The following OR9Q1 variants were observed in gnomAD, a reference collection of about 807,000 sequenced individuals.
The protein encoded by OR9Q1 is olfactory receptor 9Q1.
For missense variants in OR9Q1, 374 were observed against 378.8 expected (o/e 0.99, Z 0.11); for synonymous variants, 153 against 148.6 (o/e 1.03, Z -0.22).
intron 2 of OR9Q1, among the ~76,000 whole-genome samples, chr11:58,168,118 A>G (rs146272344): frequency 6.6e-6 from 1 of 152,194 alleles, no homozygotes; most frequent in African/African-American, 2.4e-5. Context: ...CTGACACATG[A>G]TAAACACTCA....
chr11:58,139,380 C>A (rs980421571), intron 2 of OR9Q1, among the ~76,000 whole-genome samples: 7 of 151,744 alleles, frequency 4.6e-5, no homozygotes, highest in Non-Finnish European at 8.8e-5. Flanking sequence ...TGTGCTGCAC[C>A]CATTAACTCA....
intron 1 of OR9Q1, among the ~76,000 whole-genome samples, chr11:58,032,629 T>G (rs929582578): frequency 6.6e-6 from 1 of 152,166 alleles, no homozygotes; most frequent in Non-Finnish European, 1.5e-5. Flanking sequence ...GATTAAAGAC[T>G]TAAATATAAG....
At chr11:58,128,981 T>C (rs1854115392) in intron 2 of OR9Q1, among the ~76,000 whole-genome samples, 1 of 152,206 alleles carries the variant, frequency 6.6e-6, no homozygotes, top group South Asian at 2.1e-4. Flanking sequence ...TTTCTTTTCA[T>C]TTCCCACTAT....
intron 2 of OR9Q1, among the ~76,000 whole-genome samples, chr11:58,168,631 T>C (rs980509115): frequency 1.3e-5 from 2 of 152,150 alleles, no homozygotes; most frequent in African/African-American, 4.8e-5. Flanking sequence ...CCCTTTGGAC[T>C]GGCAATAGGT....
chr11:58,028,957 T>C (rs924531908), intron 1 of OR9Q1, among the ~76,000 whole-genome samples: 1 of 152,198 alleles, frequency 6.6e-6, no homozygotes, highest in African/African-American at 2.4e-5. Context: ...CAAATTCCAG[T>C]TCAGGAATCT....
rs555867343 is a variant in OR9Q1, at chr11:58,081,659, G to A, written c.-15+25712G>A. 3.9e-5 allele frequency among the ~76,000 whole-genome samples: 6 copies of A among 152,116 alleles called. No homozygotes were observed. In the South Asian group the frequency reaches 1.0e-3, roughly 26 times the overall value. On this transcript the variant is annotated intron_variant, in intron 2 of 2. Transcript: ENST00000335397. ...TCATATCCTTTGCCTACTTTTTGAT[G>A]GGGTTGTTTGTTTTTTTCTTGTAAA...
At chr11:58,036,966 T>A (rs1853106109) in intron 1 of OR9Q1, among the ~76,000 whole-genome samples, 1 of 152,202 alleles carries the variant, frequency 6.6e-6, no homozygotes. Context: ...TTGACTTGAA[T>A]TTTAAAAGTT....
chr11:58,140,895 G>A (rs1590611843), intron 2 of OR9Q1, among the ~76,000 whole-genome samples: 1 of 152,158 alleles, frequency 6.6e-6, no homozygotes, highest in South Asian at 2.1e-4. Flanking sequence ...CCATTTTCAC[G>A]ATACTGATTC....
intron 2 of OR9Q1, among the ~76,000 whole-genome samples, chr11:58,156,112 C>G (rs184631004): frequency 9.2e-5 from 14 of 152,142 alleles, no homozygotes; most frequent in Admixed American, 5.2e-4. Context: ...GGGGTTTTGC[C>G]ATGTTGGCCA....
intron 2 of OR9Q1, among the ~76,000 whole-genome samples, chr11:58,068,419 G>A (rs1199965386): frequency 6.6e-6 from 1 of 151,968 alleles, no homozygotes; most frequent in Non-Finnish European, 1.5e-5. Flanking sequence ...GTTGGTGGCT[G>A]AAGCCTGAAA....
chr11:58,100,489 A>C (rs1489264364), intron 2 of OR9Q1, among the ~76,000 whole-genome samples: 2 of 152,262 alleles, frequency 1.3e-5, no homozygotes, highest in African/African-American at 2.4e-5. Flanking sequence ...TTAATTAGAC[A>C]TTCAGTAGTT....
At chr11:58,035,960 T>A (rs1036816258) in intron 1 of OR9Q1, among the ~76,000 whole-genome samples, 2 of 151,812 alleles carry the variant, frequency 1.3e-5, no homozygotes, top group African/African-American at 4.8e-5. Context: ...TTTTTTTTTT[T>A]ACAAATTGAA....
intron 2 of OR9Q1, among the ~76,000 whole-genome samples, chr11:58,088,129 C>T (rs1382720806): frequency 2.0e-5 from 3 of 151,982 alleles, no homozygotes; most frequent in African/African-American, 4.8e-5. Context: ...GCATGAGCCA[C>T]CGCACCCGGC....
chr11:58,068,357 A>G (rs1030520910), intron 2 of OR9Q1, among the ~76,000 whole-genome samples: 51 of 151,944 alleles, frequency 3.4e-4, no homozygotes, highest in Admixed American at 6.6e-5. Flanking sequence ...AAAAGAAAAA[A>G]AAAAAAGAAA....
At position 58,141,961 on chromosome 11, in the gene OR9Q1, A is replaced by G. The variant is rs574284035; in HGVS notation, c.-14-37470A>G. ...GTCTCCCAAAGACCTGAAAACCTCC[A>G]TATGTTTTGTAATCAGAGAAGGGTG... On this transcript the variant is annotated intron_variant, in intron 2 of 2. Coordinates refer to ENST00000335397, the MANE Select transcript of OR9Q1 (RefSeq NM_001005212.4). 2.0e-5 allele frequency among the ~76,000 whole-genome samples: 3 copies of G among 152,236 alleles called. No homozygotes were observed. In the East Asian group the frequency reaches 5.8e-4, roughly 29 times the overall value.
chr11:58,161,201 C>A (rs1398349037), intron 2 of OR9Q1, among the ~76,000 whole-genome samples: 2 of 149,732 alleles, frequency 1.3e-5, no homozygotes, highest in African/African-American at 4.9e-5. Flanking sequence ...ATGTAACAAA[C>A]CTGCATGTTG....
At chr11:58,104,125 A>G (rs957978134) in intron 2 of OR9Q1, among the ~76,000 whole-genome samples, 2 of 152,210 alleles carry the variant, frequency 1.3e-5, no homozygotes, top group Non-Finnish European at 2.9e-5. Flanking sequence ...TGGGAATATT[A>G]TTAGTGAAAT....
At chr11:58,046,448 T>C (rs1853217311) in intron 1 of OR9Q1, among the ~76,000 whole-genome samples, 1 of 152,218 alleles carries the variant, frequency 6.6e-6, no homozygotes, top group African/African-American at 2.4e-5. Context: ...CTTACTCTTA[T>C]CATAGAGGTA....
intron 1 of OR9Q1, among the ~76,000 whole-genome samples, chr11:58,053,886 G>A (rs1590559772): frequency 6.6e-6 from 1 of 151,906 alleles, no homozygotes; most frequent in Non-Finnish European, 1.5e-5. Flanking sequence ...CCAACCACCA[G>A]TTCTGGGGAT....
Sources: allele counts gnomAD v4.1 joint callset (sites outside exome capture counted in the v4.1 genomes callset), GRCh38; gene constraint gnomAD v4.1.1; transcripts MANE v1.5; gene names NCBI Gene and HGNC (gene_info 2026-07-23, HGNC 2026-07-21).